FIG4: variants seen among roughly 807,000 people sequenced by gnomAD.
FIG4 encodes polyphosphoinositide phosphatase.
In FIG4, 112 loss-of-function variants were observed where a neutral mutation model predicts 118.6. That is an observed-to-expected ratio of 0.94 (90% CI 0.81 to 1.11). FIG4 has a LOEUF of 1.11. FIG4 is among the 50% of genes least tolerant of loss of function. The pLI, the probability that FIG4 is intolerant of heterozygous loss-of-function variation, is 0.00. For synonymous variants in FIG4, 369 were observed against 381.2 expected, an observed-to-expected ratio of 0.97 and a Z score of 0.37; for missense variants, 969 against 1,111.7, an observed-to-expected ratio of 0.87 and a Z score of 1.83.
chr6:109,778,607 G>GT (rs919146821), intron 16 of FIG4, among the ~76,000 whole-genome samples: 3 of 151,308 alleles, frequency 2.0e-5, no homozygotes, highest in East Asian at 3.9e-4. Context: ...TTGTTTGTTT[G>GT]TTTTTTTCGG....
At chr6:109,695,601 GACACAC>G (rs202167631) in intron 1 of FIG4, among the ~76,000 whole-genome samples, 8 of 99,268 alleles carry the variant, frequency 8.1e-5, no homozygotes, top group African/African-American at 2.9e-4. Context: ...CACACACACA[GACACAC>G]ACACACACAC....
Position 109,735,249 on chromosome 6 carries a change from G to A in FIG4, c.597G>A (p.Glu199=). 5 of 1,613,626 alleles carry A rather than the reference G, an allele frequency of 3.1e-6. No individual in the cohort carries two copies. The highest frequency in any genetic ancestry group is 2.2e-5 in the East Asian group (1 of 44,850). ...CAGAAATGACCCAGAATCGCCAAGA[G>A]AGCTTTGACATCTTTGAAGATGAAG... The part of the protein sequence containing the change: ...LKSEMTQNRQ[E]SFDIFEDEGL... The change falls in exon 6 of 23, where the codon GAG becomes GAA. Residue 199 remains glutamate (E), a synonymous_variant. Transcript: ENST00000230124.
intron 4 of FIG4, among the ~76,000 whole-genome samples, chr6:109,728,526 T>C (rs944584792): frequency 6.6e-6 from 1 of 152,194 alleles, no homozygotes; most frequent in Admixed American, 6.5e-5. Flanking sequence ...TCCTGTACTT[T>C]TGTAGTGTTC....
At chr6:109,706,847 C>T (rs1187427781) in intron 1 of FIG4, among the ~76,000 whole-genome samples, 1 of 152,080 alleles carries the variant, frequency 6.6e-6, no homozygotes, top group Non-Finnish European at 1.5e-5. Context: ...AAGAAGGGCT[C>T]CCTTTTCTGC....
At chr6:109,789,325 A>G (rs929996185) in intron 18 of FIG4, among the ~76,000 whole-genome samples, 1 of 152,234 alleles carries the variant, frequency 6.6e-6, no homozygotes, top group African/African-American at 2.4e-5. Context: ...GACTGATAAC[A>G]TTGAAATTAT....
intron 3 of FIG4, among the ~76,000 whole-genome samples, chr6:109,726,520 A>AAGTCAGGT (rs1174561416): frequency 2.0e-5 from 3 of 151,724 alleles, no homozygotes; most frequent in Non-Finnish European, 4.4e-5. Flanking sequence ...GTATGGTTTG[A>AAGTCAGGT]AGTCAGGTAG....
At chr6:109,716,702 T>C in intron 3 of FIG4, 134 bp downstream of exon 3, 2 of 1,058,334 alleles carry the variant, frequency 1.9e-6, no homozygotes, top group Non-Finnish European at 2.9e-6. Flanking sequence ...TATTTAAAAC[T>C]TCATTATCCA....
chr6:109,823,171 T>C (rs1251519259), intron 22 of FIG4, among the ~76,000 whole-genome samples: 1 of 152,204 alleles, frequency 6.6e-6, no homozygotes, highest in African/African-American at 2.4e-5. Context: ...CTTGTTGGTC[T>C]GTCATTGACA....
At chr6:109,760,454 C>A in intron 11 of FIG4, 71 bp downstream of exon 11, 1 of 1,364,122 alleles carries the variant, frequency 7.3e-7, no homozygotes, top group Non-Finnish European at 1.0e-6. Flanking sequence ...GGAAGCTGAC[C>A]TCTGTGGTAA....
At position 109,818,264 on chromosome 6, in the gene FIG4, G is replaced by A. The variant is rs187113932; in HGVS notation, c.2547-6824G>A. On this transcript the variant is annotated intron_variant, in intron 22 of 22. Transcript: ENST00000230124. ...TGCCCAGGTTGGAGGGCAATGGCGC[G>A]ATCTTGGCTCACCACAACCTCCACC... 3.2e-3 allele frequency among the ~76,000 whole-genome samples: 493 copies of A among 151,854 alleles called. 3 individuals carry two copies. Among genetic ancestry groups the A allele is most frequent in the African/African-American group, 0.011 (461 of 41,372 alleles).
At chr6:109,807,528 T>A (rs144509668) in intron 22 of FIG4, among the ~76,000 whole-genome samples, 1 of 152,178 alleles carries the variant, frequency 6.6e-6, no homozygotes, top group Non-Finnish European at 1.5e-5. Flanking sequence ...GATGGATAGA[T>A]TGCAAAACTT....
Position 109,825,085 on chromosome 6 carries a change from T to A in FIG4, c.2547-3T>A, listed in dbSNP as rs537171532. On this transcript the variant is annotated splice_region_variant and splice_polypyrimidine_tract_variant and intron_variant, in intron 22 of 22. Coordinates refer to ENST00000230124, the MANE Select transcript of FIG4 (RefSeq NM_014845.6). The stretch of plus-strand genomic sequence containing the variant: ...CAGCCCTCTCTTTATTCATCTTTTA[T>A]AGAACACCCATCTCGGCTTTCTCGC... 13 of 1,613,194 alleles carry A rather than the reference T, an allele frequency of 8.1e-6. No homozygotes were observed. Among genetic ancestry groups the A allele is most frequent in the African/African-American group, 5.3e-5 (4 of 75,046 alleles).
At chr6:109,783,316 A>C (rs777512953) in intron 16 of FIG4, among the ~76,000 whole-genome samples, 47 of 152,338 alleles carry the variant, frequency 3.1e-4, no homozygotes, top group Non-Finnish European at 1.3e-4. Context: ...GCTAAATGTA[A>C]AAATTAAAGA....
intron 15 of FIG4, among the ~76,000 whole-genome samples, chr6:109,770,136 G>A (rs993093277): frequency 1.3e-5 from 2 of 152,124 alleles, no homozygotes; most frequent in Non-Finnish European, 2.9e-5. Flanking sequence ...TAGGGAGTTG[G>A]AGGATGCTTT....
At chr6:109,695,488 A>G (rs768689890) in intron 1 of FIG4, among the ~76,000 whole-genome samples, 9 of 152,156 alleles carry the variant, frequency 5.9e-5, no homozygotes, top group Non-Finnish European at 8.8e-5. Flanking sequence ...TTTTTCTGCT[A>G]AAGTGTTGGC....
chr6:109,796,938 C>A, intron 22 of FIG4, 87 bp downstream of exon 22: 1 of 812,498 alleles, frequency 1.2e-6, no homozygotes, highest in South Asian at 1.4e-5. Context: ...GAAAAAGATT[C>A]ACTCTTGTCA....
chr6:109,715,418 T>C (rs1445221637), intron 2 of FIG4, among the ~76,000 whole-genome samples: 1 of 152,108 alleles, frequency 6.6e-6, no homozygotes, highest in African/African-American at 2.4e-5. Context: ...AACACACTCT[T>C]AGGATAAGAT....
intron 16 of FIG4, among the ~76,000 whole-genome samples, chr6:109,784,386 G>C (rs551250596): frequency 2.6e-5 from 4 of 152,144 alleles, no homozygotes; most frequent in Non-Finnish European, 4.4e-5. Flanking sequence ...TAATCAAGTA[G>C]CACATATTTA....
chr6:109,795,595 CTTTTTT>C (rs72384711), intron 21 of FIG4, among the ~76,000 whole-genome samples: 2 of 69,526 alleles, frequency 2.9e-5, no homozygotes, highest in South Asian at 5.4e-4. Flanking sequence ...GGTTTCAGTC[CTTTTTT>C]TTTTTTTTTT....
Sources: gnomAD v4.1 joint callset for allele counts (sites outside exome capture counted in the v4.1 genomes callset) on GRCh38, gnomAD v4.1.1 for gene constraint, MANE v1.5 for transcripts, NCBI Gene and HGNC (gene_info 2026-07-23, HGNC 2026-07-21) for gene names.